The following TAF4B variants were observed in gnomAD, a reference collection of about 807,000 sequenced individuals.
The protein encoded by TAF4B is transcription initiation factor TFIID subunit 4B.
A neutral mutation model predicts 86.4 loss-of-function variants in TAF4B; 38 were observed. The observed-to-expected ratio is 0.44, with a 90% CI of 0.34 to 0.58. The LOEUF (loss-of-function observed/expected upper bound fraction) is 0.58. Ranked by LOEUF, TAF4B falls within the 20% of genes least tolerant of loss-of-function variation. The pLI, the probability that TAF4B is intolerant of heterozygous loss-of-function variation, is 0.02. For synonymous variants in TAF4B, 388 were observed against 391.2 expected, an observed-to-expected ratio of 0.99 and a Z score of 0.10; for missense variants, 988 against 1,027.6, an observed-to-expected ratio of 0.96 and a Z score of 0.53.
intron 1 of TAF4B, 29 bp downstream of exon 1, chr18:26,227,305 C>G (rs1484593115): frequency 3.8e-6 from 6 of 1,594,370 alleles, no homozygotes; most frequent in Non-Finnish European, 5.1e-6. Flanking sequence ...CCAGCCTTGT[C>G]TGTCGGTCCA....
At chr18:26,253,239 T>A (rs1366868299) in intron 1 of TAF4B, among the ~76,000 whole-genome samples, 1 of 152,262 alleles carries the variant, frequency 6.6e-6, no homozygotes, top group Non-Finnish European at 1.5e-5. Flanking sequence ...TTTATCAGGT[T>A]GAGAAAATTT....
At chr18:26,292,450 T>G in intron 8 of TAF4B, 69 bp downstream of exon 8, 1 of 1,510,342 alleles carries the variant, frequency 6.6e-7, no homozygotes, top group Non-Finnish European at 8.9e-7. Flanking sequence ...ATAACTTTTT[T>G]GTTGCTGTGT....
intron 13 of TAF4B, among the ~76,000 whole-genome samples, chr18:26,335,878 A>G (rs2057086324): frequency 6.6e-6 from 1 of 152,090 alleles, no homozygotes; most frequent in South Asian, 2.1e-4. Flanking sequence ...CCCAATATCC[A>G]TTTCCTGACT....
At chr18:26,340,858 T>C (rs1406942248) in intron 13 of TAF4B, among the ~76,000 whole-genome samples, 1 of 152,196 alleles carries the variant, frequency 6.6e-6, no homozygotes, top group East Asian at 1.9e-4. Context: ...CTGTCATAGT[T>C]CATTTATCAT....
chr18:26,312,700 A>G (rs1020707541), intron 9 of TAF4B, among the ~76,000 whole-genome samples: 4 of 152,110 alleles, frequency 2.6e-5, no homozygotes, highest in African/African-American at 9.7e-5. Context: ...AGCAAGGTGC[A>G]ATTTCCAGGG....
intron 13 of TAF4B, among the ~76,000 whole-genome samples, chr18:26,345,263 C>T (rs1346554247): frequency 3.3e-5 from 5 of 152,202 alleles, no homozygotes; most frequent in East Asian, 1.9e-4. Context: ...GCCCACATCT[C>T]GGGCCTGAGA....
At chr18:26,365,674 C>G (rs1391962229) in intron 14 of TAF4B, among the ~76,000 whole-genome samples, 2 of 152,226 alleles carry the variant, frequency 1.3e-5, no homozygotes, top group Admixed American at 6.5e-5. Flanking sequence ...TATTGTCTTT[C>G]CATGAATCAC....
At chr18:26,375,503 T>C (rs76272411) in intron 14 of TAF4B, among the ~76,000 whole-genome samples, 11,792 of 152,234 alleles carry the variant, frequency 0.077, 560 homozygotes, top group Non-Finnish European at 0.1. Flanking sequence ...AACTGCATGA[T>C]TTGACTTTTC....
At chr18:26,372,998 T>A (rs564074968) in intron 14 of TAF4B, among the ~76,000 whole-genome samples, 2 of 151,808 alleles carry the variant, frequency 1.3e-5, no homozygotes, top group African/African-American at 4.8e-5. Context: ...CTTGACAGTT[T>A]AGTAAGGTGC....
chr18:26,293,586 G>A, intron 9 of TAF4B, 55 bp downstream of exon 9: 1 of 1,156,392 alleles, frequency 8.6e-7, no homozygotes. Flanking sequence ...TTTTAAAAAG[G>A]AGAGATGACA....
chr18:26,336,175 G>C (rs1272176151), intron 13 of TAF4B, among the ~76,000 whole-genome samples: 1 of 152,166 alleles, frequency 6.6e-6, no homozygotes, highest in Non-Finnish European at 1.5e-5. Context: ...GTGATATGGA[G>C]CTGAAGAAAT....
intron 7 of TAF4B, 149 bp downstream of exon 7, chr18:26,286,648 TTG>T: frequency 2.4e-6 from 2 of 824,492 alleles, no homozygotes; most frequent in Non-Finnish European, 1.8e-6. Context: ...CTCATTTGCT[TTG>T]TTTTCCTCTT....
chr18:26,346,899 ATGTGTGTG>A (rs1187552519), intron 13 of TAF4B, among the ~76,000 whole-genome samples: 3,262 of 9,828 alleles, frequency 0.33, 1,177 homozygotes, highest in Middle Eastern at 0.6. Context: ...ATATATATAT[ATGTGTGTG>A]TATATATATA....
At chr18:26,288,677 T>A (rs113538246) in intron 7 of TAF4B, among the ~76,000 whole-genome samples, 4,461 of 152,138 alleles carry the variant, frequency 0.029, 88 homozygotes, top group Middle Eastern at 0.058. Flanking sequence ...AGTCAAGTAA[T>A]GGATCTCAGA....
chr18:26,315,130 C>CTG (rs1474180416), intron 9 of TAF4B, 99 bp from the exon 10 acceptor site: 17 of 327,924 alleles, frequency 5.2e-5, no homozygotes, highest in African/African-American at 3.8e-4. Context: ...CTCTCTCTCT[C>CTG]TCTCTCTCTC....
intron 3 of TAF4B, among the ~76,000 whole-genome samples, chr18:26,271,226 A>G (rs1021138288): frequency 4.6e-5 from 7 of 152,234 alleles, no homozygotes; most frequent in African/African-American, 1.4e-4. Context: ...GTATTTTCCT[A>G]TTAGGCTTAG....
intron 14 of TAF4B, among the ~76,000 whole-genome samples, chr18:26,378,949 C>G (rs2057460274): frequency 6.6e-6 from 1 of 152,038 alleles, no homozygotes; most frequent in South Asian, 2.1e-4. Context: ...TGTTACTGGA[C>G]TGTTTTCAAT....
rs1324542357 is a variant in TAF4B at position 26,227,070 on chromosome 18, C to G, written c.137C>G (p.Thr46Ser). 6.2e-7 allele frequency: 1 copy of G among 1,602,684 alleles called. No homozygotes were observed. The highest frequency in any genetic ancestry group is 1.1e-5 in the South Asian group (1 of 90,424). The part of the protein sequence containing the change: ...ESTPVALGAV[T>S]KAPVSVCVEP... The stretch of plus-strand genomic sequence containing the variant: ...ACTCCGGTGGCCCTGGGCGCCGTGA[C>G]TAAGGCTCCTGTCAGCGTCTGCGTG... The change falls in exon 1 of 15, where the codon ACT becomes AGT. Residue 46 changes from threonine to serine, a missense_variant. This residue lies in a region of TAF4B where 747 missense variants were observed against 737.9 expected (regional missense o/e 1.01). Transcript: ENST00000269142.
Position 26,390,033 on chromosome 18 carries a change from G to C in TAF4B, c.*21G>C. The C allele has an allele frequency of 6.2e-7, 1 of 1,603,126 alleles. No homozygotes were observed. On this transcript the variant is annotated 3_prime_UTR_variant, in exon 15 of 15. Transcript: ENST00000269142. ...AGTGACCACTCCACTCTTCCATCCAGATCCTTGCTATTTACTGCCAAAGAA... is the reference window on the plus strand; with the variant it reads ...AGTGACCACTCCACTCTTCCATCCACATCCTTGCTATTTACTGCCAAAGAA...
Sources: allele counts gnomAD v4.1 joint callset (sites outside exome capture counted in the v4.1 genomes callset), GRCh38; gene constraint gnomAD v4.1.1; regional missense constraint gnomAD v4.1.1; transcripts MANE v1.5; gene names NCBI Gene and HGNC (gene_info 2026-07-23, HGNC 2026-07-21).